SERPINI2: variants seen among roughly 807,000 people sequenced by gnomAD.
SERPINI2 encodes the protein serpin family I member 2, also known as serpin I2.
SERPINI2 carries 48 observed loss-of-function variants against 47.3 expected under a neutral mutation model. The observed-to-expected ratio is 1.02, with a 90% CI of 0.81 to 1.29. The LOEUF (loss-of-function observed/expected upper bound fraction) is 1.29. Among genes scored for constraint, SERPINI2 ranks in the 50% most tolerant of loss-of-function variants. The pLI is 0.00. For synonymous variants in SERPINI2, 135 were observed against 149.3 expected (o/e 0.90, Z 0.70); for missense variants, 448 against 456.9 (o/e 0.98, Z 0.18).
In SERPINI2 at chr3:167,456,150, CTGTGTGTGTGTGTGTGTGTGTG is replaced by C. The variant is rs68048909; in HGVS notation, c.867-3139_867-3118del. On this transcript the variant is annotated intron_variant, in intron 5 of 8. Coordinates refer to ENST00000264677, the Ensembl canonical transcript of SERPINI2. Reference sequence around the variant, plus strand: ...CTGGTCACTTTCCAATCAATTACCTCTGTGTGTGTGTGTGTGTGTGTGTGTGTGTGTGTGTGTGTAAAATAAT... The same window carrying C: ...CTGGTCACTTTCCAATCAATTACCTCTGTGTGTGTGTGTGTGTAAAATAAT... Among the ~76,000 whole-genome samples, 25 of 144,516 alleles carry C rather than the reference CTGTGTGTGTGTGTGTGTGTGTG, an allele frequency of 1.7e-4. No individual in the cohort carries two copies. In the East Asian group the frequency reaches 4.7e-3, roughly 27 times the overall value. The allele number at this position is 144,516 out of a possible 152,430, so 94.8% of individuals were successfully genotyped here. A position where few individuals can be genotyped will look rare whatever the true frequency, so the allele number is the denominator to read the frequency against.
exon 9 of SERPINI2, chr3:167,442,163 T>G (rs183381747): frequency 6.3e-7 from 1 of 1,599,410 alleles, no homozygotes; most frequent in Non-Finnish European, 8.5e-7. Flanking sequence ...GATTTGTCAC[T>G]CTTCCCATAA....
At chr3:167,458,343 C>A (rs532338337) in intron 5 of SERPINI2, among the ~76,000 whole-genome samples, 8 of 150,606 alleles carry the variant, frequency 5.3e-5, no homozygotes, top group African/African-American at 2.0e-4. Flanking sequence ...CTCCGCCTCC[C>A]AGGTTCACGC....
At chr3:167,451,319 A>G (rs935977771) in intron 6 of SERPINI2, among the ~76,000 whole-genome samples, 1 of 152,224 alleles carries the variant, frequency 6.6e-6, no homozygotes, top group Non-Finnish European at 1.5e-5. Flanking sequence ...TAACTCTATA[A>G]AAACATTTCA....
At chr3:167,473,602 C>T in intron 1 of SERPINI2, 2 of 397,416 alleles carry the variant, frequency 5.0e-6, no homozygotes, top group East Asian at 3.8e-5. Flanking sequence ...TTAGAGTTTC[C>T]TTCTCATTAT....
Position 167,471,624 on chromosome 3 carries a change from T to C in SERPINI2, c.211A>G (p.Ile71Val), listed in dbSNP as rs1200883787. 4 of 1,613,516 alleles carry C rather than the reference T, an allele frequency of 2.5e-6. No homozygotes were observed. In the South Asian group the frequency reaches 3.3e-5, roughly 13 times the overall value. Residue 71 changes from isoleucine to valine, a missense_variant, in exon 2 of 9, where the codon ATA becomes GTA. Physicochemically the swap from Ile to Val is conservative, Grantham distance 29. Transcript: ENST00000264677. ...TCCTGTTGTTTTAAAGTTTGTCTTA[T>C]CTGCTGCTGTGCTTTTCCTTTGGCT...
chr3:167,467,588 G>A (rs186643666), intron 2 of SERPINI2, among the ~76,000 whole-genome samples: 13 of 152,126 alleles, frequency 8.5e-5, no homozygotes, highest in East Asian at 1.9e-4. Context: ...CACATTTAGC[G>A]CATTTTTAGT....
At chr3:167,472,337 A>C (rs1225342830) in intron 1 of SERPINI2, among the ~76,000 whole-genome samples, 2 of 152,014 alleles carry the variant, frequency 1.3e-5, no homozygotes, top group Non-Finnish European at 2.9e-5. Context: ...AAAGCAACTG[A>C]GTAATCTGGC....
chr3:167,445,704 T>C (rs1288624837), intron 8 of SERPINI2, among the ~76,000 whole-genome samples: 2 of 152,206 alleles, frequency 1.3e-5, no homozygotes, highest in Non-Finnish European at 2.9e-5. Flanking sequence ...ATCCTAAACA[T>C]AAACTTGACA....
intron 5 of SERPINI2, among the ~76,000 whole-genome samples, chr3:167,457,351 G>A (rs993219567): frequency 2.0e-5 from 3 of 152,172 alleles, no homozygotes; most frequent in Non-Finnish European, 4.4e-5. Context: ...GCCCAGGTAA[G>A]GACTACTACA....
At chr3:167,447,322 A>G (rs1335891533) in intron 7 of SERPINI2, among the ~76,000 whole-genome samples, 2 of 152,216 alleles carry the variant, frequency 1.3e-5, no homozygotes, top group Admixed American at 6.5e-5. Context: ...CTAAATAACC[A>G]GTGAATATAG....
chr3:167,473,210 C>A (rs1750389333), intron 1 of SERPINI2, among the ~76,000 whole-genome samples: 1 of 151,604 alleles, frequency 6.6e-6, no homozygotes, highest in African/African-American at 2.4e-5. Context: ...AAAAAACAAT[C>A]CAAAGCAATT....
intron 1 of SERPINI2, among the ~76,000 whole-genome samples, chr3:167,472,469 G>T (rs143004009): frequency 1.3e-3 from 191 of 151,930 alleles, no homozygotes; most frequent in African/African-American, 4.5e-3. Context: ...GAAACAAAAT[G>T]GCAATCAAAT....
At chr3:167,476,789 C>T (rs545906835), upstream of SERPINI2, among the ~76,000 whole-genome samples, 58 of 152,052 alleles carry the variant, frequency 3.8e-4, no homozygotes, top group African/African-American at 1.2e-3. Flanking sequence ...TGTGAATACC[C>T]GGAACCTAAA....
rs776651317 is a variant in SERPINI2, at chr3:167,446,371, A to G, written c.1141+21T>C. On this transcript the variant is annotated intron_variant, in intron 8 of 8. Transcript: ENST00000264677. ...CTGCTTAACATAATCAGTTCCCCCA[A>G]ATAATTCTCAAAAAAGGTACCTGTT... is the stretch of plus-strand genomic sequence containing the variant. 2.0e-6 allele frequency: 3 copies of G among 1,515,590 alleles called. No homozygotes were observed. In the Admixed American group the frequency reaches 5.2e-5, roughly 26 times the overall value. The allele number at this position is 1,515,590 out of a possible 1,614,324, so 93.9% of individuals were successfully genotyped here. A position where few individuals can be genotyped will look rare whatever the true frequency, so the allele number is the denominator to read the frequency against.
chr3:167,444,688 A>G (rs1351146492), intron 8 of SERPINI2, among the ~76,000 whole-genome samples: 1 of 152,200 alleles, frequency 6.6e-6, no homozygotes, highest in Non-Finnish European at 1.5e-5. Context: ...TTTATTTTAA[A>G]CAATACTTTA....
chr3:167,458,722 A>G (rs1204756696), intron 5 of SERPINI2, among the ~76,000 whole-genome samples: 2 of 152,114 alleles, frequency 1.3e-5, no homozygotes. Flanking sequence ...ACTTTCTAAT[A>G]AGTATCAAAC....
chr3:167,444,204 G>A (rs546254608), intron 8 of SERPINI2, among the ~76,000 whole-genome samples: 1 of 152,194 alleles, frequency 6.6e-6, no homozygotes, highest in South Asian at 2.1e-4. Flanking sequence ...TACCTTTCAT[G>A]AGTATCCTTC....
At position 167,471,579 on chromosome 3, in the gene SERPINI2, G is replaced by A. The variant is rs1750321607; in HGVS notation, c.247+9C>T. 9.3e-6 allele frequency: 15 copies of A among 1,612,474 alleles called. No homozygotes were observed. Among genetic ancestry groups the A allele is most frequent in the African/African-American group, 1.3e-5 (1 of 74,938 alleles). The stretch of plus-strand genomic sequence containing the variant: ...ATCCAGTATAAGTAAGGAGATGTAA[G>A]AGTCTCACCAGCTGAGGTTTCCTGT... On this transcript the variant is annotated intron_variant, in intron 2 of 8. Transcript: ENST00000264677.
upstream of SERPINI2, among the ~76,000 whole-genome samples, chr3:167,475,446 C>T (rs1447348136): frequency 6.6e-6 from 1 of 151,758 alleles, no homozygotes; most frequent in Non-Finnish European, 1.5e-5. Flanking sequence ...TAGTCCATTA[C>T]TTTTCCTACC....
Sources: allele counts gnomAD v4.1 joint callset (sites outside exome capture counted in the v4.1 genomes callset), GRCh38; gene constraint gnomAD v4.1.1; transcripts MANE v1.5; gene names NCBI Gene and HGNC (gene_info 2026-07-23, HGNC 2026-07-21).